Variants in DSC3 observed in about 807,000 individuals in gnomAD.
DSC3 encodes desmocollin-3.
DSC3 carries 97 observed loss-of-function variants against 89.5 expected under a neutral mutation model. The ratio of observed to expected loss-of-function variants is 1.08; its 90% CI spans 0.92 to 1.28. The LOEUF (loss-of-function observed/expected upper bound fraction) is 1.28. Ranked by LOEUF, DSC3 falls within the 50% of genes most tolerant of loss-of-function variation. DSC3 has a pLI of 0.00. For synonymous variants in DSC3, 436 were observed against 384.1 expected (o/e 1.14, Z -1.58); for missense variants, 1,199 against 1,085.3 (o/e 1.10, Z -1.47).
At position 31,005,631 on chromosome 18, in the gene DSC3, T is replaced by C. The variant is rs148791022; in HGVS notation, c.1889-1265A>G. Among the ~76,000 whole-genome samples the C allele has an allele frequency of 3.6e-3, 555 of 152,346 alleles. 2 individuals are homozygous for C. The highest frequency in any genetic ancestry group is 0.013 in the African/African-American group (533 of 41,576). On this transcript the variant is annotated intron_variant, in intron 12 of 15. Transcript: ENST00000360428. The stretch of plus-strand genomic sequence containing the variant: ...TATGTTTCTTCTTTTATGCACATTA[T>C]TAATCAATTATTGAACAAGCAAACA...
intron 14 of DSC3, among the ~76,000 whole-genome samples, chr18:30,999,244 G>A (rs897169123): frequency 1.3e-5 from 2 of 151,960 alleles, no homozygotes; most frequent in African/African-American, 4.8e-5. Flanking sequence ...TACTTAAAAT[G>A]CAGTCTTTAA....
At chr18:31,030,870 CAAA>C in intron 3 of DSC3, 100 bp downstream of exon 3, 1 of 1,083,560 alleles carries the variant, frequency 9.2e-7, no homozygotes, top group African/African-American at 1.6e-5. Context: ...AAAATGAAAA[CAAA>C]AGGGGAAAAT....
intron 14 of DSC3, 85 bp downstream of exon 14, chr18:31,001,533 T>C: frequency 6.8e-7 from 1 of 1,478,658 alleles, no homozygotes; most frequent in Non-Finnish European, 9.2e-7. Context: ...AAAATATAAA[T>C]TAACTCCTAA....
At chr18:31,039,294 G>A (rs1404806140) in intron 1 of DSC3, among the ~76,000 whole-genome samples, 2 of 152,102 alleles carry the variant, frequency 1.3e-5, no homozygotes, top group Admixed American at 6.5e-5. Flanking sequence ...AAAATTAAAG[G>A]TGTTATCTGC....
At chr18:31,003,190 C>G (rs577446945) in intron 13 of DSC3, among the ~76,000 whole-genome samples, 11 of 152,266 alleles carry the variant, frequency 7.2e-5, no homozygotes, top group African/African-American at 2.6e-4. Flanking sequence ...ATTGCAATCA[C>G]TGGCACCAAT....
chr18:31,020,211 T>C lies in DSC3; in HGVS notation c.943-1411A>G, dbSNP rs751551285. Among the ~76,000 whole-genome samples, 113 of 152,030 alleles carry C rather than the reference T, an allele frequency of 7.4e-4. 1 individual carries two copies. Among genetic ancestry groups the C allele is most frequent in the Non-Finnish European group, 6.5e-4 (44 of 68,014 alleles). On this transcript the variant is annotated intron_variant, in intron 7 of 15. Transcript: ENST00000360428. Reference sequence around the variant, plus strand: ...TACCCAGAAATCATCAGTATCTAGATGGTGGTTGAAATTATGGCAGGAATC... The same window carrying C: ...TACCCAGAAATCATCAGTATCTAGACGGTGGTTGAAATTATGGCAGGAATC...
At chr18:31,005,953 GA>G (rs942996397) in intron 12 of DSC3, among the ~76,000 whole-genome samples, 8 of 151,932 alleles carry the variant, frequency 5.3e-5, no homozygotes, top group African/African-American at 9.7e-5. Context: ...TAAATATCAT[GA>G]AAAAAATATC....
At chr18:31,007,314 T>C (rs1460372518) in intron 11 of DSC3, among the ~76,000 whole-genome samples, 183 bp from the exon 12 acceptor site, 1 of 152,190 alleles carries the variant, frequency 6.6e-6, no homozygotes, top group Non-Finnish European at 1.5e-5. Flanking sequence ...GAAATGACTA[T>C]TGCTACTGAT....
chr18:31,023,555 T>C (rs1985495064), intron 6 of DSC3, among the ~76,000 whole-genome samples: 1 of 152,136 alleles, frequency 6.6e-6, no homozygotes, highest in South Asian at 2.1e-4. Flanking sequence ...TTAACATCTA[T>C]GACATCAGAT....
Position 30,994,091 on chromosome 18 carries a change from A to C in DSC3, c.*84T>G, listed in dbSNP as rs1984367474. 1 of 1,288,080 alleles carries C rather than the reference A, an allele frequency of 7.8e-7. No homozygotes were observed. The highest frequency in any genetic ancestry group is 1.2e-5 in the South Asian group (1 of 81,744). 79.8% of individuals were successfully genotyped at this position (1,288,080 alleles called of 1,614,324 possible). On this transcript the variant is annotated 3_prime_UTR_variant, in exon 16 of 16. Transcript: ENST00000360428. ...AATTGAGAAAAAAATCATCATATAC[A>C]TACATGTTGAAATTGAACTTTACAA...
At chr18:31,039,297 T>C (rs935458667) in intron 1 of DSC3, among the ~76,000 whole-genome samples, 2 of 152,164 alleles carry the variant, frequency 1.3e-5, no homozygotes, top group African/African-American at 4.8e-5. Flanking sequence ...ATTAAAGGTG[T>C]TATCTGCAGT....
chr18:30,991,665 G>T lies in DSC3; in HGVS notation c.*2510C>A, dbSNP rs1984247208. 1 of 152,184 alleles carries T rather than the reference G, an allele frequency of 6.6e-6. No individual in the cohort carries two copies. The highest frequency in any genetic ancestry group is 2.4e-5 in the African/African-American group (1 of 41,450). The allele number at this position is 152,184 out of a possible 1,614,324, so 9.4% of individuals were successfully genotyped here. ...ACAGTGGGTGTTTCAGTAGCCGTTA[G>T]ATAAAACTGGCTTCTGGATACAGCA... On this transcript the variant is annotated 3_prime_UTR_variant, in exon 16 of 16. Coordinates refer to ENST00000360428, the MANE Select transcript of DSC3 (RefSeq NM_001941.5).
At position 31,008,269 on chromosome 18, in the gene DSC3, C is replaced by T. The variant is rs747176017; in HGVS notation, c.1520G>A (p.Arg507Lys). ...DPENRNGNGL[R>K]YKKLHDPKGW... is the part of the protein sequence containing the mutation. ...TATGTGGTTATAGATTTATTTTTAC[C>T]TTAAACCATTGCCATTTCTATTTTC... The change falls in exon 10 of 16, where the codon AGG becomes AAG. Residue 507 changes from arginine (R) to lysine (K), a missense_variant and splice_region_variant. Coordinates refer to ENST00000360428, the MANE Select transcript of DSC3 (RefSeq NM_001941.5). The T allele has an allele frequency of 1.2e-6, 2 of 1,613,690 alleles. No individual in the cohort carries two copies. The highest frequency in any genetic ancestry group is 4.5e-5 in the East Asian group (2 of 44,864).
chr18:31,018,141 C>A lies in DSC3; in HGVS notation c.1193G>T (p.Gly398Val), dbSNP rs1985295058. ...GATTTTGAAATGTCCATTTTCATTT[C>A]CCTTTAAAATGGTAAAATTGACTCT... ...NWRVNFTILK[G>V]NENGHFKIST... The change falls in exon 9 of 16, where the codon GGA (glycine) becomes GTA (valine). Residue 398 changes from glycine (G) to valine (V), a missense_variant. Physicochemically the swap from Gly to Val is moderately radical, Grantham distance 109 (BLOSUM62 -3). Transcript: ENST00000360428. 1.2e-6 allele frequency: 2 copies of A among 1,612,126 alleles called. No homozygotes were observed. The highest frequency in any genetic ancestry group is 2.7e-5 in the African/African-American group (2 of 74,828).
intron 7 of DSC3, among the ~76,000 whole-genome samples, chr18:31,021,541 T>C (rs1985419071): frequency 6.6e-6 from 1 of 152,222 alleles, no homozygotes; most frequent in South Asian, 2.1e-4. Context: ...TTATAATATA[T>C]TTTCTAGTCA....
In DSC3 at chr18:31,004,380, AAAG is replaced by A. The variant is rs768118542; in HGVS notation, c.1889-17_1889-15del. 16 of 1,607,036 alleles carry A rather than the reference AAAG, an allele frequency of 1.0e-5. No individual in the cohort carries two copies. Among genetic ancestry groups the A allele is most frequent in the African/African-American group, 1.3e-5 (1 of 74,666 alleles). ...GGGCAGCTGTATCTGAAAGAAAATA[AAAG>A]AAGTTTATTTTTTAATGATCATTTA... On this transcript the variant is annotated splice_polypyrimidine_tract_variant and intron_variant, in intron 12 of 15. Coordinates refer to ENST00000360428, the MANE Select transcript of DSC3 (RefSeq NM_001941.5).
In DSC3 at chr18:31,017,058, A is replaced by G. The variant is rs184641428; in HGVS notation, c.1263+1013T>C. ...CAAAAGCAGTCAGTGGTATTTTCTT[A>G]TTTCCTTTCCTATTACTCTCAACTA... is the stretch of plus-strand genomic sequence containing the variant. On this transcript the variant is annotated intron_variant, in intron 9 of 15. Transcript: ENST00000360428. Among the ~76,000 whole-genome samples the G allele has an allele frequency of 1.8e-4, 28 of 152,204 alleles. No individual in the cohort carries two copies. In the East Asian group the frequency reaches 3.7e-3, roughly 20 times the overall value.
rs138216848 is a variant in DSC3 at position 31,000,442 on chromosome 18, G to A, written c.2235+1176C>T. On this transcript the variant is annotated intron_variant, in intron 14 of 15. Transcript: ENST00000360428. ...GATCCCCCTACTGACTCAGCTTCAC[G>A]CTGCTTGATTATACCTCTCTCCTGT... Among the ~76,000 whole-genome samples the A allele has an allele frequency of 3.2e-3, 485 of 152,102 alleles. 7 individuals are homozygous for A. Among genetic ancestry groups the A allele is most frequent in the African/African-American group, 0.011 (449 of 41,538 alleles).
chr18:30,999,860 A>T (rs988887839), intron 14 of DSC3, among the ~76,000 whole-genome samples: 8 of 152,186 alleles, frequency 5.3e-5, no homozygotes, highest in Admixed American at 2.6e-4. Context: ...ATAAATTAAT[A>T]ATTCCAAGCC....
Sources: allele counts gnomAD v4.1 joint callset (sites outside exome capture counted in the v4.1 genomes callset), GRCh38; gene constraint gnomAD v4.1.1; transcripts MANE v1.5; gene names NCBI Gene and HGNC (gene_info 2026-07-23, HGNC 2026-07-21).